The following SLIT3 variants were observed in gnomAD, a reference collection of about 807,000 sequenced individuals.
SLIT3 encodes the protein slit guidance ligand 3, also known as slit homolog 3 protein.
A neutral mutation model predicts 184.0 loss-of-function variants in SLIT3; 68 were observed. That is an observed-to-expected ratio of 0.37 (90% CI 0.30 to 0.45). The LOEUF (loss-of-function observed/expected upper bound fraction) is 0.45, where lower values mean the gene tolerates loss of function less well. SLIT3 is among the 20% of genes least tolerant of loss of function. The pLI, the probability that SLIT3 is intolerant of heterozygous loss-of-function variation, is 1.00. For synonymous variants in SLIT3, 831 were observed against 828.6 expected, an observed-to-expected ratio of 1.00 and a Z score of -0.05; for missense variants, 1,707 against 2,026.0, an observed-to-expected ratio of 0.84 and a Z score of 3.02.
At chr5:169,138,436 G>A (rs966622203) in intron 4 of SLIT3, among the ~76,000 whole-genome samples, 4 of 152,070 alleles carry the variant, frequency 2.6e-5, no homozygotes, top group African/African-American at 4.8e-5. Flanking sequence ...TTCCTCCCCT[G>A]TCTTCTCCTG....
Position 169,112,758 on chromosome 5 carries a change from GGCAAGAGGACAGA to G in SLIT3, c.413+80708_413+80720del, listed in dbSNP as rs533504583. 5.3e-3 allele frequency among the ~76,000 whole-genome samples: 812 copies of G among 152,170 alleles called. 4 individuals carry two copies. Among genetic ancestry groups the G allele is most frequent in the South Asian group, 0.014 (66 of 4,814 alleles). ...GGGAGTCATGAGCAGGAGATCAGAG[GGCAAGAGGACAGA>G]AGTCAGGTATCTATCTCCTGGATCC... On this transcript the variant is annotated intron_variant, in intron 4 of 35. Coordinates refer to ENST00000519560, the MANE Select transcript of SLIT3 (RefSeq NM_003062.4).
chr5:168,867,460 C>T (rs959583259), intron 5 of SLIT3, among the ~76,000 whole-genome samples: 1 of 152,152 alleles, frequency 6.6e-6, no homozygotes, highest in South Asian at 2.1e-4. Context: ...GTGTTGGTCC[C>T]TCGGTATTTG....
At chr5:168,683,131 T>C (rs1761638871) in intron 32 of SLIT3, among the ~76,000 whole-genome samples, 1 of 152,028 alleles carries the variant, frequency 6.6e-6, no homozygotes. Context: ...TTTGGGAGGC[T>C]GAGGTGGGTG....
intron 1 of SLIT3, among the ~76,000 whole-genome samples, chr5:169,281,294 T>C (rs904869296): frequency 1.5e-4 from 23 of 152,280 alleles, no homozygotes; most frequent in African/African-American, 3.4e-4. Context: ...CTGGCCAACA[T>C]GGTGAAACCC....
At chr5:169,058,212 C>A (rs986686307) in intron 4 of SLIT3, among the ~76,000 whole-genome samples, 1 of 152,250 alleles carries the variant, frequency 6.6e-6, no homozygotes, top group African/African-American at 2.4e-5. Context: ...CTTGTGACAT[C>A]CACTGTGTTA....
intron 8 of SLIT3, among the ~76,000 whole-genome samples, chr5:168,808,802 C>T (rs867368945): frequency 2.0e-5 from 3 of 152,292 alleles, no homozygotes; most frequent in Middle Eastern, 3.4e-3. Flanking sequence ...TCACCCACAT[C>T]GAAGGGAGGT....
chr5:168,753,168 G>T (rs1754776254), intron 17 of SLIT3, 70 bp from the exon 18 acceptor site: 2 of 1,302,288 alleles, frequency 1.5e-6, no homozygotes, highest in African/African-American at 1.5e-5. Flanking sequence ...TGCCACGGTG[G>T]TGTGTGTGTG....
intron 1 of SLIT3, among the ~76,000 whole-genome samples, chr5:169,294,085 A>G (rs1161586836): frequency 6.6e-6 from 1 of 152,120 alleles, no homozygotes; most frequent in Non-Finnish European, 1.5e-5. Flanking sequence ...GAATGCCTCC[A>G]CCCCTTGTTT....
chr5:168,666,679 G>T lies in SLIT3; in HGVS notation c.4347C>A (p.Cys1449Ter). ...TCACCTCTCGGACTACTTGTCCCAG[G>T]CACGGATTCTCTGCAGAGGGCATAG... The part of the protein sequence containing the change: ...SGEHCQQENP[C>*]LGQVVREVIR... Residue 1449 changes from cysteine (C) to a stop codon, truncating the protein, a stop_gained, in exon 36 of 36, where the codon TGC (cysteine) becomes TGA (stop). Transcript: ENST00000519560. LOFTEE classifies it high-confidence loss of function. 1.2e-6 allele frequency: 2 copies of T among 1,614,128 alleles called. No homozygotes were observed. Among genetic ancestry groups the T allele is most frequent in the Non-Finnish European group, 1.7e-6 (2 of 1,180,020 alleles).
intron 4 of SLIT3, among the ~76,000 whole-genome samples, chr5:168,913,039 C>G (rs1761304143): frequency 6.6e-6 from 1 of 152,204 alleles, no homozygotes; most frequent in South Asian, 2.1e-4. Context: ...GAATTCCAGA[C>G]CCCTGCTACT....
chr5:168,777,204 G>A (rs1360679218), intron 12 of SLIT3, among the ~76,000 whole-genome samples: 1 of 152,064 alleles, frequency 6.6e-6, no homozygotes, highest in Non-Finnish European at 1.5e-5. Context: ...GGCAGCCATG[G>A]AGTAGCTGCC....
At position 168,733,798 on chromosome 5, in the gene SLIT3, A is replaced by AT. The variant is rs551214268; in HGVS notation, c.2271-9315dup. ...ATCCTGGAACTTAAAATAAAAAAAA[A>AT]TTAAAAAAAAAAAAGAAAATGTGGA... On this transcript the variant is annotated intron_variant, in intron 20 of 35. Coordinates refer to ENST00000519560, the MANE Select transcript of SLIT3 (RefSeq NM_003062.4). Among the ~76,000 whole-genome samples, 946 of 122,482 alleles carry AT rather than the reference A, an allele frequency of 7.7e-3. 11 individuals are homozygous for AT. Among genetic ancestry groups the AT allele is most frequent in the African/African-American group, 0.026 (896 of 33,966 alleles). 80.4% of individuals were successfully genotyped at this position (122,482 alleles called of 152,430 possible). A position where few individuals can be genotyped will look rare whatever the true frequency, so the allele number is the denominator to read the frequency against.
At chr5:168,810,524 C>G (rs893407891) in intron 8 of SLIT3, among the ~76,000 whole-genome samples, 1 of 152,196 alleles carries the variant, frequency 6.6e-6, no homozygotes, top group Non-Finnish European at 1.5e-5. Flanking sequence ...CTTTCAGTGG[C>G]ACTAAAATGC....
At chr5:168,833,439 G>C (rs758785779) in intron 6 of SLIT3, among the ~76,000 whole-genome samples, 1 of 152,160 alleles carries the variant, frequency 6.6e-6, no homozygotes, top group Non-Finnish European at 1.5e-5. Context: ...ACGGGTTTCT[G>C]GTCATCCCTG....
intron 4 of SLIT3, among the ~76,000 whole-genome samples, chr5:168,996,606 T>C (rs1398823249): frequency 6.6e-6 from 1 of 152,220 alleles, no homozygotes; most frequent in Non-Finnish European, 1.5e-5. Context: ...TAAGAAGCTA[T>C]TGATTTCGAT....
At chr5:168,778,215 C>A (rs778005802) in intron 12 of SLIT3, among the ~76,000 whole-genome samples, 1 of 152,200 alleles carries the variant, frequency 6.6e-6, no homozygotes, top group Non-Finnish European at 1.5e-5. Context: ...CAGGCACTAT[C>A]TTATGTAACC....
chr5:168,853,860 C>T (rs1758761987), intron 5 of SLIT3, among the ~76,000 whole-genome samples: 1 of 152,164 alleles, frequency 6.6e-6, no homozygotes, highest in Non-Finnish European at 1.5e-5. Flanking sequence ...GCCCCCTACC[C>T]TGTTTGTGAA....
chr5:168,887,084 A>G (rs545610058), intron 4 of SLIT3, among the ~76,000 whole-genome samples: 1 of 152,206 alleles, frequency 6.6e-6, no homozygotes, highest in South Asian at 2.1e-4. Flanking sequence ...ATGGATTGAA[A>G]GGCTGTCTAG....
chr5:169,017,048 C>T (rs764642760), intron 4 of SLIT3, among the ~76,000 whole-genome samples: 1 of 152,186 alleles, frequency 6.6e-6, no homozygotes, highest in Non-Finnish European at 1.5e-5. Flanking sequence ...TACTGCAGAA[C>T]TCTAGTATTC....
Sources: gnomAD v4.1 joint callset for allele counts (sites outside exome capture counted in the v4.1 genomes callset) on GRCh38, gnomAD v4.1.1 for gene constraint, MANE v1.5 for transcripts, NCBI Gene and HGNC (gene_info 2026-07-23, HGNC 2026-07-21) for gene names.